Variants in C3orf49 observed in about 807,000 individuals in gnomAD.
The protein encoded by C3orf49 is chromosome 3 open reading frame 49, also known as putative uncharacterized protein C3orf49.
Under a neutral mutation model 13.3 loss-of-function variants are expected in C3orf49, and 27 were observed. That is an observed-to-expected ratio of 2.02 (90% CI 1.49 to 2.79). The LOEUF (loss-of-function observed/expected upper bound fraction) is 2.79. Ranked by LOEUF, C3orf49 falls within the 30% of genes most tolerant of loss-of-function variation. The probability of loss-of-function intolerance (pLI) is 0.00; values close to 1 mark genes in which losing one functional copy is unlikely to be tolerated. For synonymous variants in C3orf49, 87 were observed against 47.6 expected (o/e 1.83, Z -3.40); for missense variants, 242 against 134.2 (o/e 1.80, Z -3.97).
the C3orf49 span, among the ~76,000 whole-genome samples, chr3:63,811,343 G>T: frequency 6.6e-6 from 1 of 151,632 alleles, no homozygotes; most frequent in African/African-American, 2.4e-5. Flanking sequence ...CGGATCACGA[G>T]GTCAGGAGAT....
At chr3:63,828,081 G>GT (rs1267664327) in intron 3 of C3orf49, among the ~76,000 whole-genome samples, 4 of 152,232 alleles carry the variant, frequency 2.6e-5, no homozygotes, top group Non-Finnish European at 5.9e-5. Context: ...CTGTGAAGAT[G>GT]TAAGTATGCA....
Position 63,831,832 on chromosome 3 carries a change from TAAA to T in C3orf49, c.838_840del (p.Lys280del), listed in dbSNP as rs1354767117. On this transcript the variant is annotated inframe_deletion, in exon 5 of 7. Transcript: ENST00000295896. ...TATCCAAGAGAACCATGAGGAAGTA[TAAA>T]TTAAAAAATGTGTGTTTCCCATGTA... 6 of 695,616 alleles carry T rather than the reference TAAA, an allele frequency of 8.6e-6. No homozygotes were observed. Among genetic ancestry groups the T allele is most frequent in the Non-Finnish European group, 1.6e-5 (6 of 383,226 alleles). The allele number at this position is 695,616 out of a possible 1,614,324, so 43.1% of individuals were successfully genotyped here.
the C3orf49 span, among the ~76,000 whole-genome samples, chr3:63,785,768 C>T: frequency 6.6e-6 from 1 of 151,982 alleles, no homozygotes; most frequent in Non-Finnish European, 1.5e-5. Flanking sequence ...CAGGATGATG[C>T]AGAGAGGAGC....
rs1701366442 is a variant in C3orf49, at chr3:63,819,384, T to G, written c.-88T>G. The G allele has an allele frequency of 1.5e-6, 1 of 661,774 alleles. No homozygotes were observed. The highest frequency in any genetic ancestry group is 1.8e-5 in the African/African-American group (1 of 55,564). 41.0% of individuals were successfully genotyped at this position (661,774 alleles called of 1,614,324 possible). The stretch of plus-strand genomic sequence containing the variant: ...GAATAGCCCACACCTTGACAGTACA[T>G]TCAGTCACTGGATGATTTTGTATTG... On this transcript the variant is annotated 5_prime_UTR_variant, in exon 1 of 7. Transcript: ENST00000295896.
At chr3:63,781,019 T>G in the C3orf49 span, among the ~76,000 whole-genome samples, 3 of 151,456 alleles carry the variant, frequency 2.0e-5, no homozygotes, top group Non-Finnish European at 4.4e-5. Flanking sequence ...CAATTTTGTC[T>G]TTTGTTGCCA....
chr3:63,822,852 A>G (rs1701416177), intron 1 of C3orf49, among the ~76,000 whole-genome samples: 1 of 152,236 alleles, frequency 6.6e-6, no homozygotes, highest in South Asian at 2.1e-4. Context: ...AGCAAAAACT[A>G]TGTCAAACTA....
chr3:63,811,647 T>G, the C3orf49 span, among the ~76,000 whole-genome samples: 2 of 151,612 alleles, frequency 1.3e-5, no homozygotes, highest in Non-Finnish European at 2.9e-5. Context: ...CTTGGGAGGC[T>G]GGGGTGGGAA....
intron 3 of C3orf49, among the ~76,000 whole-genome samples, chr3:63,830,452 T>G (rs1186533259): frequency 6.6e-6 from 1 of 152,142 alleles, no homozygotes; most frequent in Non-Finnish European, 1.5e-5. Context: ...TCCTACTTTG[T>G]GTAGGTCTCA....
At chr3:63,835,691 T>C (rs1322535932) in intron 5 of C3orf49, among the ~76,000 whole-genome samples, 1 of 151,884 alleles carries the variant, frequency 6.6e-6, no homozygotes, top group Non-Finnish European at 1.5e-5. Context: ...ACTTCGAGGG[T>C]TTTTTATTTT....
chr3:63,822,459 G>A (rs569716539), intron 1 of C3orf49, among the ~76,000 whole-genome samples: 1 of 152,300 alleles, frequency 6.6e-6, no homozygotes, highest in South Asian at 2.1e-4. Flanking sequence ...CTAGCACAGT[G>A]GTGAACAACA....
the C3orf49 span, among the ~76,000 whole-genome samples, chr3:63,781,262 C>T: frequency 6.6e-6 from 1 of 151,204 alleles, no homozygotes; most frequent in Non-Finnish European, 1.5e-5. Flanking sequence ...TTCCCCATTG[C>T]TTGTTTTTCT....
upstream of C3orf49, among the ~76,000 whole-genome samples, chr3:63,814,920 G>A (rs1701307117): frequency 6.6e-6 from 1 of 152,178 alleles, no homozygotes; most frequent in East Asian, 1.9e-4. Flanking sequence ...AGGCTGTACA[G>A]GAAGCATGGC....
chr3:63,847,210 T>C (rs929895917), intron 6 of C3orf49, among the ~76,000 whole-genome samples: 1 of 152,174 alleles, frequency 6.6e-6, no homozygotes, highest in African/African-American at 2.4e-5. Context: ...AAAGTTCCTA[T>C]AAATCTGGTA....
At chr3:63,848,048 A>G (rs1051366972) in intron 6 of C3orf49, among the ~76,000 whole-genome samples, 2 of 152,208 alleles carry the variant, frequency 1.3e-5, no homozygotes, top group Non-Finnish European at 2.9e-5. Flanking sequence ...TCTTTGTACC[A>G]ATAAGATACA....
chr3:63,785,069 T>C, the C3orf49 span, among the ~76,000 whole-genome samples: 5 of 127,658 alleles, frequency 3.9e-5, no homozygotes, highest in Admixed American at 7.9e-5. Flanking sequence ...CTTCTTCTTT[T>C]TTTTTTTTTT....
chr3:63,839,508 G>A, intron 5 of C3orf49: 1 of 724,734 alleles, frequency 1.4e-6, no homozygotes, highest in Non-Finnish European at 2.4e-6. Context: ...AGAAGAAAAG[G>A]CCAAGAAAAT....
intron 2 of C3orf49, among the ~76,000 whole-genome samples, chr3:63,825,222 C>A (rs925670558): frequency 2.0e-5 from 3 of 152,026 alleles, no homozygotes; most frequent in African/African-American, 7.2e-5. Flanking sequence ...AGGAAACACA[C>A]AGCCCTTCTA....
At chr3:63,795,860 T>A in the C3orf49 span, among the ~76,000 whole-genome samples, 1 of 152,124 alleles carries the variant, frequency 6.6e-6, no homozygotes, top group African/African-American at 2.4e-5. Context: ...ACAATCTTGA[T>A]CCCTCTCTTT....
the C3orf49 span, chr3:63,779,712 A>G: frequency 6.6e-6 from 1 of 152,344 alleles, no homozygotes; most frequent in South Asian, 2.1e-4. Context: ...AAAACGAAGA[A>G]GACTGATATG....
Sources: allele counts gnomAD v4.1 joint callset (sites outside exome capture counted in the v4.1 genomes callset), GRCh38; gene constraint gnomAD v4.1.1; transcripts MANE v1.5; gene names NCBI Gene and HGNC (gene_info 2026-07-23, HGNC 2026-07-21).